Variants in ALG14 observed in about 807,000 individuals in gnomAD.
ALG14 encodes ALG14 UDP-N-acetylglucosaminyltransferase subunit.
ALG14 carries 17 observed loss-of-function variants against 22.8 expected under a neutral mutation model. That is an observed-to-expected ratio of 0.75 (90% CI 0.51 to 1.12). ALG14 has a LOEUF of 1.12. Ranked by LOEUF, ALG14 falls within the 50% of genes most tolerant of loss-of-function variation. ALG14 has a pLI of 0.00. For synonymous variants in ALG14, 89 were observed against 103.7 expected, an observed-to-expected ratio of 0.86 and a Z score of 0.86; for missense variants, 288 against 271.8, an observed-to-expected ratio of 1.06 and a Z score of -0.42.
At chr1:95,059,944 C>T (rs1675076756) in intron 2 of ALG14, among the ~76,000 whole-genome samples, 1 of 152,064 alleles carries the variant, frequency 6.6e-6, no homozygotes, top group Admixed American at 6.5e-5. Context: ...TTGATTTCTT[C>T]AGCAAGACCC....
At chr1:95,043,713 GGA>G (rs906964675) in intron 2 of ALG14, among the ~76,000 whole-genome samples, 1 of 151,964 alleles carries the variant, frequency 6.6e-6, no homozygotes, top group African/African-American at 2.4e-5. Context: ...TTTAGGGGAA[GGA>G]GAGGAAAGAG....
At chr1:95,001,695 C>T (rs558701314) in intron 3 of ALG14, among the ~76,000 whole-genome samples, 45 of 152,168 alleles carry the variant, frequency 3.0e-4, no homozygotes, top group African/African-American at 1.0e-3. Flanking sequence ...GGGGTTCCAC[C>T]ATGTTGGCTT....
chr1:95,066,980 T>C (rs760173054), intron 1 of ALG14: 2 of 152,262 alleles, frequency 1.3e-5, no homozygotes, highest in East Asian at 3.8e-4. Context: ...AACTTCATTA[T>C]ACCTGCTTTA....
At position 94,979,307 on chromosome 1, in the gene ALG14, A is replaced by AG. The variant is rs1672455367; in HGVS notation, c.*3768_*3769insC. The stretch of plus-strand genomic sequence containing the variant: ...ACTGTCTCGAAAAAAAAAAAAAAAA[A>AG]AAAAAAAGAAAGAAAAAAGTGAAAC... On this transcript the variant is annotated 3_prime_UTR_variant, in exon 4 of 4. Transcript: ENST00000370205. 2 of 150,216 alleles carry AG rather than the reference A, an allele frequency of 1.3e-5. No homozygotes were observed. The highest frequency in any genetic ancestry group is 2.0e-4 in the East Asian group (1 of 5,098). The allele number at this position is 150,216 out of a possible 1,614,324, so 9.3% of individuals were successfully genotyped here. A position where few individuals can be genotyped will look rare whatever the true frequency, so the allele number is the denominator to read the frequency against.
At chr1:95,008,165 G>A (rs186547045) in intron 3 of ALG14, among the ~76,000 whole-genome samples, 126 of 152,320 alleles carry the variant, frequency 8.3e-4, no homozygotes, top group African/African-American at 3.0e-3. Context: ...GGTGTCATGA[G>A]TCTAGGGGCT....
intron 3 of ALG14, among the ~76,000 whole-genome samples, chr1:95,017,939 T>G (rs565438713): frequency 6.6e-6 from 1 of 152,136 alleles, no homozygotes; most frequent in Non-Finnish European, 1.5e-5. Flanking sequence ...GGGAGTGGCT[T>G]GGTTAAAAGC....
intron 2 of ALG14, among the ~76,000 whole-genome samples, chr1:95,056,440 T>C (rs540846464): frequency 6.6e-6 from 1 of 151,174 alleles, no homozygotes; most frequent in Admixed American, 6.6e-5. Context: ...AGTCCAGGAG[T>C]TCGAGACCAG....
intron 3 of ALG14, among the ~76,000 whole-genome samples, chr1:94,991,009 C>T (rs1557940882): frequency 6.6e-6 from 1 of 152,256 alleles, no homozygotes; most frequent in Non-Finnish European, 1.5e-5. Context: ...GGTGCTTATG[C>T]ACCAAGGCTT....
intron 3 of ALG14, among the ~76,000 whole-genome samples, chr1:94,999,372 A>G (rs1673000466): frequency 6.9e-6 from 1 of 144,420 alleles, no homozygotes; most frequent in Admixed American, 6.9e-5. Context: ...TTTTTGGAAA[A>G]CCTGAAATGA....
chr1:95,063,875 T>C (rs1675256339), intron 2 of ALG14, among the ~76,000 whole-genome samples: 1 of 152,224 alleles, frequency 6.6e-6, no homozygotes, highest in South Asian at 2.1e-4. Context: ...CTTTGGGCAG[T>C]ATAGCCATTT....
At chr1:95,031,577 AT>A (rs1264731070) in intron 2 of ALG14, among the ~76,000 whole-genome samples, 2 of 152,082 alleles carry the variant, frequency 1.3e-5, no homozygotes, top group African/African-American at 4.8e-5. Flanking sequence ...CCACCTACAC[AT>A]CCCCCCACCA....
At chr1:95,055,828 TAAAAAAAAAAAA>T (rs35131311) in intron 2 of ALG14, among the ~76,000 whole-genome samples, 1 of 33,018 alleles carries the variant, frequency 3.0e-5, no homozygotes, top group African/African-American at 1.2e-4. Context: ...CCGTCTCTAC[TAAAAAAAAAAAA>T]AAAAAAAAAA....
At chr1:95,027,088 A>G in intron 3 of ALG14, 41 bp downstream of exon 3, 1 of 1,608,358 alleles carries the variant, frequency 6.2e-7, no homozygotes, top group South Asian at 1.1e-5. Flanking sequence ...AAAGATCTAC[A>G]GGGAGTTACT....
At chr1:95,069,565 C>T (rs993974337) in intron 1 of ALG14, among the ~76,000 whole-genome samples, 24 of 150,400 alleles carry the variant, frequency 1.6e-4, no homozygotes, top group African/African-American at 6.0e-4. Context: ...TTTATTCAAA[C>T]CTAGACTAAA....
intron 2 of ALG14, among the ~76,000 whole-genome samples, chr1:95,063,131 A>G (rs1675225543): frequency 6.6e-6 from 1 of 152,080 alleles, no homozygotes; most frequent in Non-Finnish European, 1.5e-5. Context: ...TCCTTTGCCC[A>G]CTTTTTAATA....
intron 3 of ALG14, among the ~76,000 whole-genome samples, chr1:95,006,695 C>T (rs989584889): frequency 6.6e-6 from 1 of 152,220 alleles, no homozygotes; most frequent in Non-Finnish European, 1.5e-5. Flanking sequence ...ATTTCTTTTC[C>T]ATGCTTTACC....
rs567787591 is a variant in ALG14, at chr1:95,001,486, T to C, written c.421-18180A>G. Among the ~76,000 whole-genome samples the C allele has an allele frequency of 3.9e-5, 6 of 152,304 alleles. No homozygotes were observed. The East Asian group carries it at 1.2e-3, about 29-fold the overall frequency. The stretch of plus-strand genomic sequence containing the variant: ...GATAAAGTGAATAATTTGATTTCTA[T>C]GGCTTCTTTTTTTAATTTTTAATTT... On this transcript the variant is annotated intron_variant, in intron 3 of 3. Coordinates refer to ENST00000370205, the MANE Select transcript of ALG14 (RefSeq NM_144988.4).
At chr1:95,012,024 G>A (rs778331339) in intron 3 of ALG14, among the ~76,000 whole-genome samples, 24 of 152,086 alleles carry the variant, frequency 1.6e-4, no homozygotes, top group African/African-American at 5.1e-4. Flanking sequence ...TATTGTTCTC[G>A]TGGTAGTAAG....
intron 3 of ALG14, chr1:94,983,690 T>G (rs978985120): frequency 5.6e-6 from 1 of 178,942 alleles, no homozygotes; most frequent in African/African-American, 2.4e-5. Context: ...ACTGTTTTCT[T>G]TAATGTACCA....
Sources: gnomAD v4.1 joint callset for allele counts (sites outside exome capture counted in the v4.1 genomes callset) on GRCh38, gnomAD v4.1.1 for gene constraint, MANE v1.5 for transcripts, NCBI Gene and HGNC (gene_info 2026-07-23, HGNC 2026-07-21) for gene names.